DLGAP2: variants seen among roughly 807,000 people sequenced by gnomAD.
The protein encoded by DLGAP2 is DLG associated protein 2, also known as disks large-associated protein 2.
Under a neutral mutation model 100.3 loss-of-function variants are expected in DLGAP2, and 26 were observed. The ratio of observed to expected loss-of-function variants is 0.26; its 90% CI spans 0.19 to 0.36. The LOEUF is 0.36. Ranked by LOEUF, DLGAP2 falls within the 10% of genes least tolerant of loss-of-function variation. The pLI, the probability that DLGAP2 is intolerant of heterozygous loss-of-function variation, is 1.00. For missense variants in DLGAP2, 1,858 were observed against 1,453.2 expected, an observed-to-expected ratio of 1.28 and a Z score of -4.53; for synonymous variants, 886 against 630.1, an observed-to-expected ratio of 1.41 and a Z score of -6.08.
In DLGAP2 at chr8:1,270,277, G is replaced by A. The variant is rs563206326; in HGVS notation, c.106+11394G>A. On this transcript the variant is annotated intron_variant, in intron 3 of 14. Transcript: ENST00000637795. ...GGACTTGGATCAACAGAGGAGCAAC[G>A]TCTGCAGATGTCCTGGAGCAACAGC... 3.0e-4 allele frequency among the ~76,000 whole-genome samples: 46 copies of A among 152,310 alleles called. 1 individual carries two copies. In the South Asian group the frequency reaches 4.1e-3, roughly 14 times the overall value.
At chr8:834,974 G>C (rs56187500) in intron 1 of DLGAP2, among the ~76,000 whole-genome samples, 36,646 of 152,196 alleles carry the variant, frequency 0.24, 4,764 homozygotes, top group Non-Finnish European at 0.3. Context: ...GTCTCTGTGT[G>C]TGCATGTATG....
At chr8:1,538,583 T>C (rs1051188507) in intron 4 of DLGAP2, among the ~76,000 whole-genome samples, 2 of 152,142 alleles carry the variant, frequency 1.3e-5, no homozygotes, top group Admixed American at 6.5e-5. Flanking sequence ...ACAGAACAGA[T>C]AGGGAGGGGC....
At chr8:846,730 A>G (rs1353422556) in intron 1 of DLGAP2, among the ~76,000 whole-genome samples, 10 of 152,122 alleles carry the variant, frequency 6.6e-5, no homozygotes, top group African/African-American at 2.4e-4. Flanking sequence ...CATTCCCACC[A>G]GCAGCACTAG....
At chr8:773,287 G>C (rs1396103078) in intron 1 of DLGAP2, among the ~76,000 whole-genome samples, 1 of 151,780 alleles carries the variant, frequency 6.6e-6, no homozygotes, top group Non-Finnish European at 1.5e-5. Flanking sequence ...TATTGGATCA[G>C]GGCCCCATCC....
At chr8:1,218,922 A>G (rs1798264145) in intron 2 of DLGAP2, among the ~76,000 whole-genome samples, 1 of 152,064 alleles carries the variant, frequency 6.6e-6, no homozygotes, top group African/African-American at 2.4e-5. Flanking sequence ...TTGGGTTCTC[A>G]GCTTGGATGT....
At chr8:1,673,526 G>A (rs17064212) in intron 10 of DLGAP2, among the ~76,000 whole-genome samples, 20,647 of 152,180 alleles carry the variant, frequency 0.14, 1,523 homozygotes, top group South Asian at 0.26. Context: ...GACAGCCAGG[G>A]TAAAATCTGC....
At chr8:1,641,190 G>A (rs1797890165) in intron 8 of DLGAP2, among the ~76,000 whole-genome samples, 2 of 152,216 alleles carry the variant, frequency 1.3e-5, no homozygotes, top group Admixed American at 1.3e-4. Context: ...AGACATGACA[G>A]ACGAATCACG....
rs908789740 is a variant in DLGAP2 at position 818,922 on chromosome 8, C to T, written c.18+81097C>T. 7.9e-5 allele frequency among the ~76,000 whole-genome samples: 12 copies of T among 152,174 alleles called. No individual in the cohort carries two copies. The East Asian group carries it at 9.7e-4, about 12-fold the overall frequency. On this transcript the variant is annotated intron_variant, in intron 1 of 14. Transcript: ENST00000637795. ...CAAAACTTAGAAAAATTTAATGGAG[C>T]AGTAACCATGGAACAACTAAAAATT...
chr8:773,571 C>T (rs1821425102), intron 1 of DLGAP2, among the ~76,000 whole-genome samples: 1 of 146,620 alleles, frequency 6.8e-6, no homozygotes, highest in Admixed American at 7.0e-5. Context: ...TTGTTCAATT[C>T]CCACCTATGA....
At chr8:1,200,991 C>G (rs139483764) in intron 2 of DLGAP2, among the ~76,000 whole-genome samples, 1 of 152,172 alleles carries the variant, frequency 6.6e-6, no homozygotes, top group Non-Finnish European at 1.5e-5. Flanking sequence ...AAAGAAGGCG[C>G]GGCTGTCTCC....
intron 3 of DLGAP2, among the ~76,000 whole-genome samples, chr8:1,442,321 T>G (rs1797857791): frequency 7.2e-6 from 1 of 138,890 alleles, no homozygotes; most frequent in Non-Finnish European, 1.5e-5. Context: ...GCTGATGGGT[T>G]CAGCCACTGG....
chr8:744,074 G>C (rs1188904833), intron 1 of DLGAP2, among the ~76,000 whole-genome samples: 1 of 152,232 alleles, frequency 6.6e-6, no homozygotes, highest in Admixed American at 6.5e-5. Flanking sequence ...GAAGTGACTT[G>C]TTCTGGTGGC....
intron 1 of DLGAP2, among the ~76,000 whole-genome samples, chr8:876,972 A>G (rs529527377): frequency 1.0e-3 from 154 of 147,740 alleles, no homozygotes; most frequent in African/African-American, 3.5e-3. Context: ...CGGAATTTCC[A>G]TATGGTTATT....
intron 3 of DLGAP2, among the ~76,000 whole-genome samples, chr8:1,298,592 G>C (rs1296149192): frequency 6.6e-6 from 1 of 152,096 alleles, no homozygotes; most frequent in Admixed American, 6.6e-5. Flanking sequence ...CTCGGCCACA[G>C]TCCTGCCCGT....
chr8:905,394 T>A (rs1158751367), intron 1 of DLGAP2, among the ~76,000 whole-genome samples: 1 of 152,124 alleles, frequency 6.6e-6, no homozygotes, highest in Non-Finnish European at 1.5e-5. Flanking sequence ...ACCCCATGAC[T>A]GGCTTGTGGG....
chr8:1,530,479 C>G (rs181542807), intron 4 of DLGAP2, among the ~76,000 whole-genome samples: 1 of 152,220 alleles, frequency 6.6e-6, no homozygotes, highest in East Asian at 1.9e-4. Context: ...ACATGCTGTA[C>G]AATTTGTGCA....
chr8:1,362,682 C>T (rs761125730), intron 3 of DLGAP2, among the ~76,000 whole-genome samples: 2 of 152,166 alleles, frequency 1.3e-5, no homozygotes, highest in Non-Finnish European at 2.9e-5. Context: ...TGCTGAGCCC[C>T]GAAATAACCT....
intron 2 of DLGAP2, among the ~76,000 whole-genome samples, chr8:1,252,790 C>G (rs1488697820): frequency 6.6e-6 from 1 of 152,248 alleles, no homozygotes. Context: ...CTCCAGGTGG[C>G]TGCTGACATG....
At chr8:1,384,574 A>T (rs1585322058) in intron 3 of DLGAP2, among the ~76,000 whole-genome samples, 1 of 137,764 alleles carries the variant, frequency 7.3e-6, no homozygotes, top group Non-Finnish European at 1.6e-5. Flanking sequence ...AACTTGGTGC[A>T]CAGTTACCCC....
Sources: allele counts gnomAD v4.1 joint callset (sites outside exome capture counted in the v4.1 genomes callset), GRCh38; gene constraint gnomAD v4.1.1; transcripts MANE v1.5; gene names NCBI Gene and HGNC (gene_info 2026-07-23, HGNC 2026-07-21).